WWTR1: variants seen among roughly 807,000 people sequenced by gnomAD.
WWTR1 encodes WW domain containing transcription regulator 1.
A neutral mutation model predicts 40.1 loss-of-function variants in WWTR1; 13 were observed. The ratio of observed to expected loss-of-function variants is 0.32; its 90% confidence interval spans 0.21 to 0.52. WWTR1 has a LOEUF of 0.52. Ranked by LOEUF, WWTR1 falls within the 20% of genes least tolerant of loss-of-function variation. WWTR1 has a pLI of 0.97. For synonymous variants in WWTR1, 230 were observed against 210.1 expected, an observed-to-expected ratio of 1.09 and a Z score of -0.82; for missense variants, 436 against 523.1, an observed-to-expected ratio of 0.83 and a Z score of 1.63.
At chr3:149,638,844 G>A (rs958559186) in intron 2 of WWTR1, among the ~76,000 whole-genome samples, 11 of 152,154 alleles carry the variant, frequency 7.2e-5, no homozygotes, top group Admixed American at 1.3e-4. Flanking sequence ...TCAGCCGGCC[G>A]ATGGGGAAAC....
intron 2 of WWTR1, among the ~76,000 whole-genome samples, chr3:149,615,551 C>A (rs1416296065): frequency 1.3e-5 from 2 of 151,500 alleles, no homozygotes; most frequent in Non-Finnish European, 2.9e-5. Context: ...TTAAAAAAAT[C>A]ATTGTGAATA....
intron 2 of WWTR1, among the ~76,000 whole-genome samples, chr3:149,642,415 TCACACACA>T (rs146950880): frequency 5.6e-4 from 82 of 146,192 alleles, no homozygotes; most frequent in African/African-American, 2.0e-3. Flanking sequence ...CAAAACTCTG[TCACACACA>T]CACACACACA....
intron 2 of WWTR1, among the ~76,000 whole-genome samples, chr3:149,574,337 G>A (rs766279323): frequency 3.9e-5 from 6 of 152,142 alleles, no homozygotes; most frequent in East Asian, 1.9e-4. Flanking sequence ...ACCGCACCCA[G>A]CCCAGTATCA....
intron 4 of WWTR1, among the ~76,000 whole-genome samples, chr3:149,718,208 T>A (rs539799083): frequency 3.3e-5 from 5 of 152,340 alleles, no homozygotes; most frequent in African/African-American, 1.2e-4. Context: ...ACGTTCTTTT[T>A]TTCCCCATAA....
rs949928103 is a variant in WWTR1 at position 149,645,428 on chromosome 3, T to G, written c.431+11448A>C. 4.6e-5 allele frequency among the ~76,000 whole-genome samples: 7 copies of G among 152,312 alleles called. No individual in the cohort carries two copies. In the East Asian group the frequency reaches 1.2e-3, roughly 25 times the overall value. The stretch of plus-strand genomic sequence containing the variant: ...CTCAAGTGATCCACCTGCCTTGGCC[T>G]CCTAAAATGCTGGGATTACAGGTAT... On this transcript the variant is annotated intron_variant, in intron 2 of 6. Coordinates refer to ENST00000360632, the MANE Select transcript of WWTR1 (RefSeq NM_015472.6).
chr3:149,652,237 T>C (rs976719158), intron 2 of WWTR1, among the ~76,000 whole-genome samples: 1 of 151,766 alleles, frequency 6.6e-6, no homozygotes, highest in African/African-American at 2.4e-5. Context: ...GCTTTGGCAA[T>C]GTGGAAAGCA....
chr3:149,605,962 C>T (rs907255175), intron 2 of WWTR1, among the ~76,000 whole-genome samples: 4 of 152,170 alleles, frequency 2.6e-5, no homozygotes, highest in African/African-American at 9.7e-5. Context: ...TATAACCTCC[C>T]AACATGGGGC....
chr3:149,518,169 C>A lies in WWTR1; in HGVS notation c.*2636G>T, dbSNP rs1049168636. 1 of 151,948 alleles carries A rather than the reference C, an allele frequency of 6.6e-6. No individual in the cohort carries two copies. Among genetic ancestry groups the A allele is most frequent in the South Asian group, 2.1e-4 (1 of 4,828 alleles). 9.4% of individuals were successfully genotyped at this position (151,948 alleles called of 1,614,324 possible). ...ATCTGGCTTTATCTATTAGTAAACA[C>A]AAAGGGTCCATATTTTATTCTGAAA... On this transcript the variant is annotated 3_prime_UTR_variant, in exon 7 of 7. Coordinates refer to ENST00000360632, the MANE Select transcript of WWTR1 (RefSeq NM_015472.6).
chr3:149,572,831 T>A, intron 3 of WWTR1, 33 bp downstream of exon 3: 1 of 1,608,602 alleles, frequency 6.2e-7, no homozygotes, highest in Non-Finnish European at 8.5e-7. Context: ...AAAAAAAATA[T>A]CTTTTTTAAT....
chr3:149,619,846 C>T (rs186139797), intron 2 of WWTR1, among the ~76,000 whole-genome samples: 56 of 152,274 alleles, frequency 3.7e-4, no homozygotes, highest in Non-Finnish European at 5.0e-4. Context: ...AATCCTCGCA[C>T]AGGCTGAAAC....
At chr3:149,672,872 C>T (rs1246739459) in intron 1 of WWTR1, among the ~76,000 whole-genome samples, 1 of 151,086 alleles carries the variant, frequency 6.6e-6, no homozygotes, top group Non-Finnish European at 1.5e-5. Context: ...CAGCCTTGGA[C>T]TCCTGGGCTC....
chr3:149,540,147 G>C, intron 4 of WWTR1: 1 of 452,572 alleles, frequency 2.2e-6, no homozygotes, highest in South Asian at 1.6e-5. Flanking sequence ...AACTACATGA[G>C]TCCCTGTGAG....
Position 149,558,924 on chromosome 3 carries a change from C to T in WWTR1, c.568+13940G>A, listed in dbSNP as rs1466701187. 2.0e-5 allele frequency among the ~76,000 whole-genome samples: 3 copies of T among 151,816 alleles called. No individual in the cohort carries two copies. In the East Asian group the frequency reaches 5.8e-4, roughly 29 times the overall value. On this transcript the variant is annotated intron_variant, in intron 3 of 6. Coordinates refer to ENST00000360632, the MANE Select transcript of WWTR1 (RefSeq NM_015472.6). ...ATCACCGGGACAACTGAAGACATTTCGAATCTGGGCTATTAGATAAGAGTA... is the reference window on the plus strand; with the variant it reads ...ATCACCGGGACAACTGAAGACATTTTGAATCTGGGCTATTAGATAAGAGTA...
intron 2 of WWTR1, among the ~76,000 whole-genome samples, chr3:149,642,043 A>G (rs1712202220): frequency 1.3e-5 from 2 of 152,266 alleles, no homozygotes; most frequent in South Asian, 4.1e-4. Context: ...CTCAACTTTT[A>G]GGTAGCTGAT....
At chr3:149,687,426 A>G (rs1435578823) in intron 1 of WWTR1, among the ~76,000 whole-genome samples, 3 of 152,224 alleles carry the variant, frequency 2.0e-5, no homozygotes, top group African/African-American at 7.2e-5. Flanking sequence ...CTGACATTCA[A>G]CCTGTAATAT....
intron 1 of WWTR1, among the ~76,000 whole-genome samples, chr3:149,679,820 C>T (rs1714396177): frequency 6.6e-6 from 1 of 152,190 alleles, no homozygotes; most frequent in South Asian, 2.1e-4. Flanking sequence ...AACTGTCCTA[C>T]ACTGCCTTCC....
chr3:149,642,224 C>T (rs1052260079), intron 2 of WWTR1, among the ~76,000 whole-genome samples: 8 of 149,964 alleles, frequency 5.3e-5, no homozygotes, highest in African/African-American at 2.0e-4. Context: ...AGTTCAAGAC[C>T]AGCCTGATCA....
intron 2 of WWTR1, among the ~76,000 whole-genome samples, chr3:149,621,537 T>C (rs1289479083): frequency 1.3e-5 from 2 of 152,186 alleles, no homozygotes; most frequent in Non-Finnish European, 2.9e-5. Context: ...GAGCTCTTGA[T>C]GTGTTAATCA....
chr3:149,538,232 T>C (rs116432918), intron 4 of WWTR1, among the ~76,000 whole-genome samples: 1,949 of 152,228 alleles, frequency 0.013, 19 homozygotes, highest in Middle Eastern at 0.027. Context: ...AAATTAAAAT[T>C]TTTTTCTACT....
Sources: allele counts gnomAD v4.1 joint callset (sites outside exome capture counted in the v4.1 genomes callset), GRCh38; gene constraint gnomAD v4.1.1; transcripts MANE v1.5; gene names NCBI Gene and HGNC (gene_info 2026-07-23, HGNC 2026-07-21).